The following SUGT1 variants were observed in gnomAD, a reference collection of about 807,000 sequenced individuals.
SUGT1 encodes the protein SGT1 assembly cochaperone of MIS12 kinetochore complex.
In SUGT1, 15 loss-of-function variants were observed where a neutral mutation model predicts 56.1. The ratio of observed to expected loss-of-function variants is 0.27; its 90% confidence interval spans 0.18 to 0.41. The LOEUF is 0.41. SUGT1 is among the 10% of genes least tolerant of loss of function. The pLI is 1.00. For missense variants in SUGT1, 347 were observed against 382.2 expected (o/e 0.91, Z 0.77); for synonymous variants, 123 against 128.6 (o/e 0.96, Z 0.30).
intron 10 of SUGT1, among the ~76,000 whole-genome samples, chr13:52,672,643 A>G (rs1962989433): frequency 6.6e-6 from 1 of 152,196 alleles, no homozygotes; most frequent in Non-Finnish European, 1.5e-5. Context: ...TTTAATGAGT[A>G]CAGTCTTGAA....
intron 7 of SUGT1, among the ~76,000 whole-genome samples, 153 bp downstream of exon 7, chr13:52,663,265 AT>A (rs936345070): frequency 6.6e-6 from 1 of 152,182 alleles, no homozygotes; most frequent in Non-Finnish European, 1.5e-5. Context: ...AAATAAAATC[AT>A]TTTTTGATAA....
Position 52,658,433 on chromosome 13 carries a change from C to A in SUGT1, c.222C>A (p.Leu74=). 1 of 1,613,026 alleles carries A rather than the reference C, an allele frequency of 6.2e-7. No individual in the cohort carries two copies. Among genetic ancestry groups the A allele is most frequent in the South Asian group, 1.1e-5 (1 of 90,764 alleles). The change falls in exon 4 of 13, where the codon CTC becomes CTA. Residue 74 remains leucine, a synonymous_variant. Transcript: ENST00000310528. The part of the protein sequence containing the change: ...AVADAKKSLE[L]NPNNSTAMLR... ...CTGATGCAAAGAAGTCTCTAGAACT[C>A]AATCCAAATAATTCCACTGCTATGC...
intron 12 of SUGT1, among the ~76,000 whole-genome samples, chr13:52,682,646 T>G (rs1019842052): frequency 4.6e-5 from 7 of 152,224 alleles, no homozygotes; most frequent in Non-Finnish European, 8.8e-5. Context: ...TGCACCTTTC[T>G]TAAAAATCAG....
At chr13:52,660,672 A>G (rs996047000) in intron 5 of SUGT1, among the ~76,000 whole-genome samples, 3 of 152,250 alleles carry the variant, frequency 2.0e-5, no homozygotes, top group African/African-American at 7.2e-5. Context: ...TGGTATGTGA[A>G]TAGTAGGCCT....
rs1259837438 is a variant in SUGT1 at position 52,689,279 on chromosome 13, A to T, written c.*1444A>T. 1.3e-5 allele frequency: 2 copies of T among 152,196 alleles called. No homozygotes were observed. The highest frequency in any genetic ancestry group is 2.9e-5 in the Non-Finnish European group (2 of 68,028). 9.4% of individuals were successfully genotyped at this position (152,196 alleles called of 1,614,324 possible). On this transcript the variant is annotated 3_prime_UTR_variant, in exon 13 of 13. Transcript: ENST00000310528. The stretch of plus-strand genomic sequence containing the variant: ...TTCTGTCCACTTAGAGCTACTAGAT[A>T]CATTTTTTTCTTCTTGAACACTGAA...
chr13:52,689,593 A>C lies in SUGT1; in HGVS notation c.*1758A>C, dbSNP rs1339922084. On this transcript the variant is annotated 3_prime_UTR_variant, in exon 13 of 13. Coordinates refer to ENST00000310528, the MANE Select transcript of SUGT1 (RefSeq NM_006704.5). ...AAATAATCCATAGAGTCTTAGAGTT[A>C]TAATTAAAGGTCCATGGTTCTAAAT... is the stretch of plus-strand genomic sequence containing the variant. The C allele has an allele frequency of 6.6e-6, 1 of 152,212 alleles. No homozygotes were observed. The highest frequency in any genetic ancestry group is 2.4e-5 in the African/African-American group (1 of 41,454). The allele number at this position is 152,212 out of a possible 1,614,324, so 9.4% of individuals were successfully genotyped here.
Position 52,688,331 on chromosome 13 carries a change from T to A in SUGT1, c.*496T>A, listed in dbSNP as rs996354410. 3.3e-5 allele frequency: 5 copies of A among 152,570 alleles called. No homozygotes were observed. Among genetic ancestry groups the A allele is most frequent in the African/African-American group, 9.6e-5 (4 of 41,460 alleles). 9.5% of individuals were successfully genotyped at this position (152,570 alleles called of 1,614,324 possible). A position where few individuals can be genotyped will look rare whatever the true frequency, so the allele number is the denominator to read the frequency against. The stretch of plus-strand genomic sequence containing the variant: ...ATTTACCTTTTTCTTAAGTTTTTAA[T>A]GAGAACTTTGAGAAATTATCACAGG... On this transcript the variant is annotated 3_prime_UTR_variant, in exon 13 of 13. Coordinates refer to ENST00000310528, the MANE Select transcript of SUGT1 (RefSeq NM_006704.5).
At chr13:52,679,914 A>G in intron 11 of SUGT1, 60 bp from the exon 12 acceptor site, 1 of 1,494,914 alleles carries the variant, frequency 6.7e-7, no homozygotes, top group Non-Finnish European at 8.9e-7. Context: ...CAAAGTTTAC[A>G]TATTCTCGAC....
At chr13:52,673,242 CTT>C (rs199630700) in intron 10 of SUGT1, among the ~76,000 whole-genome samples, 18 of 19,134 alleles carry the variant, frequency 9.4e-4, no homozygotes, top group African/African-American at 3.8e-3. Context: ...CCTTCTTTTA[CTT>C]TTTTTTTTTT....
intron 12 of SUGT1, 143 bp downstream of exon 12, chr13:52,680,298 C>A: frequency 2.9e-6 from 2 of 685,128 alleles, no homozygotes; most frequent in South Asian, 2.9e-5. Context: ...TTTCTTTTTG[C>A]TCTAAGAGTA....
chr13:52,681,039 C>T (rs556974164), intron 12 of SUGT1, among the ~76,000 whole-genome samples: 19 of 152,192 alleles, frequency 1.2e-4, no homozygotes, highest in African/African-American at 4.3e-4. Flanking sequence ...GGTTGCGCCA[C>T]GTTGCCCAGG....
Position 52,687,779 on chromosome 13 carries a change from G to A in SUGT1, c.946G>A (p.Gly316Ser). The part of the protein sequence containing the change: ...TVLSTNWSDV[G>S]KRKVEINPPD... ...TTTGAGTACCAACTGGTCTGATGTA[G>A]GTAAAAGGAAAGTTGAAATCAATCC... The change falls in exon 13 of 13, where the codon GGT (glycine) becomes AGT (serine). Residue 316 changes from glycine (G) to serine (S), a missense_variant. Physicochemically the swap from Gly to Ser is moderately conservative, Grantham distance 56 (BLOSUM62 0). Coordinates refer to ENST00000310528, the MANE Select transcript of SUGT1 (RefSeq NM_006704.5). 1.2e-6 allele frequency: 2 copies of A among 1,600,832 alleles called. No individual in the cohort carries two copies. The highest frequency in any genetic ancestry group is 2.3e-5 in the East Asian group (1 of 43,994).
intron 11 of SUGT1, among the ~76,000 whole-genome samples, chr13:52,679,415 G>A (rs1963281387): frequency 1.3e-5 from 2 of 152,034 alleles, no homozygotes; most frequent in Admixed American, 1.3e-4. Context: ...TACTGTTATT[G>A]CCTATTAAAA....
At chr13:52,656,914 C>G (rs1962191437) in intron 2 of SUGT1, among the ~76,000 whole-genome samples, 2 of 152,164 alleles carry the variant, frequency 1.3e-5, no homozygotes, top group South Asian at 4.1e-4. Context: ...TGTGACTGCA[C>G]AAGTTAAAAA....
chr13:52,666,469 G>C (rs1052772161), intron 9 of SUGT1, among the ~76,000 whole-genome samples: 2 of 152,116 alleles, frequency 1.3e-5, no homozygotes, highest in African/African-American at 4.8e-5. Flanking sequence ...AGAACTGTAT[G>C]TTTTGCACAT....
rs951147614 is a variant in SUGT1, at chr13:52,689,113, T to C, written c.*1278T>C. The C allele has an allele frequency of 6.6e-6, 1 of 152,206 alleles. No individual in the cohort carries two copies. Among genetic ancestry groups the C allele is most frequent in the African/African-American group, 2.4e-5 (1 of 41,398 alleles). The allele number at this position is 152,206 out of a possible 1,614,324, so 9.4% of individuals were successfully genotyped here. On this transcript the variant is annotated 3_prime_UTR_variant, in exon 13 of 13. Coordinates refer to ENST00000310528, the MANE Select transcript of SUGT1 (RefSeq NM_006704.5). ...GTCATCATTTCAGCCTCCAAAACAG[T>C]AGGAATTCAGCTCCTTCCTTCTCGT...
At chr13:52,682,311 G>A (rs1963408874) in intron 12 of SUGT1, among the ~76,000 whole-genome samples, 2 of 152,110 alleles carry the variant, frequency 1.3e-5, no homozygotes, top group African/African-American at 4.8e-5. Context: ...TGATCCTTAT[G>A]CCTCAGCCTC....
At chr13:52,654,851 C>T (rs1246824600) in intron 2 of SUGT1, among the ~76,000 whole-genome samples, 2 of 152,208 alleles carry the variant, frequency 1.3e-5, no homozygotes, top group African/African-American at 4.8e-5. Context: ...TAACAGTGGA[C>T]ATCTGGGTTA....
At chr13:52,667,028 A>T in intron 10 of SUGT1, 109 bp downstream of exon 10, 2 of 699,222 alleles carry the variant, frequency 2.9e-6, no homozygotes, top group South Asian at 4.1e-5. Context: ...CAGCCCTTTA[A>T]CAGGGACAAG....
Sources: gnomAD v4.1 joint callset for allele counts (sites outside exome capture counted in the v4.1 genomes callset) on GRCh38, gnomAD v4.1.1 for gene constraint, MANE v1.5 for transcripts, NCBI Gene and HGNC (gene_info 2026-07-23, HGNC 2026-07-21) for gene names.